The following ELP2 variants were observed in gnomAD, a reference collection of about 807,000 sequenced individuals.
ELP2 encodes the protein elongator complex protein 2.
Under a neutral mutation model 119.2 loss-of-function variants are expected in ELP2, and 90 were observed. The observed-to-expected ratio is 0.75, with a 90% CI of 0.64 to 0.90. The LOEUF (loss-of-function observed/expected upper bound fraction) is 0.90, where lower values mean the gene tolerates loss of function less well. Ranked by LOEUF, ELP2 falls within the 40% of genes least tolerant of loss-of-function variation. ELP2 has a pLI of 0.00. For synonymous variants in ELP2, 339 were observed against 331.0 expected (o/e 1.02, Z -0.26); for missense variants, 921 against 967.8 (o/e 0.95, Z 0.64).
At chr18:36,163,438 C>G (rs1598818243) in intron 17 of ELP2, among the ~76,000 whole-genome samples, 1 of 151,838 alleles carries the variant, frequency 6.6e-6, no homozygotes, top group African/African-American at 2.4e-5. Flanking sequence ...CAGTGTCTTT[C>G]AACTAGCAGA....
In ELP2 at chr18:36,177,787, A is replaced by G; in HGVS notation, c.*3146A>G. 1 of 152,214 alleles carries G rather than the reference A, an allele frequency of 6.6e-6. No homozygotes were observed. The highest frequency in any genetic ancestry group is 1.9e-4 in the East Asian group (1 of 5,204). 9.4% of individuals were successfully genotyped at this position (152,214 alleles called of 1,614,324 possible). ...AACTAAGGTTAGATAGGTGTTCTTTATTGCAGGAATTCTAAGAGCATTTAA... is the reference window on the plus strand; with the variant it reads ...AACTAAGGTTAGATAGGTGTTCTTTGTTGCAGGAATTCTAAGAGCATTTAA... On this transcript the variant is annotated 3_prime_UTR_variant, in exon 22 of 22. Transcript: ENST00000358232.
chr18:36,139,740 A>G, intron 5 of ELP2: 1 of 716,082 alleles, frequency 1.4e-6, no homozygotes, highest in East Asian at 2.8e-5. Context: ...TATCTAGCAG[A>G]GTCATCAGGG....
At chr18:36,141,380 C>G in intron 6 of ELP2, 179 bp downstream of exon 6, 1 of 619,248 alleles carries the variant, frequency 1.6e-6, no homozygotes, top group Non-Finnish European at 2.9e-6. Context: ...ACCAAGTAAC[C>G]GCTGCCTTGA....
intron 19 of ELP2, among the ~76,000 whole-genome samples, chr18:36,168,489 G>A (rs548070601): frequency 1.3e-5 from 2 of 152,304 alleles, no homozygotes; most frequent in Non-Finnish European, 2.9e-5. Flanking sequence ...GGCAGAAGGT[G>A]AAACAAACAC....
chr18:36,177,723 A>C lies in ELP2; in HGVS notation c.*3082A>C, dbSNP rs1441990476. ...GGATGTAAATCGGTACTAAAAAAAA[A>C]GTGCTCCAAAGTAAGATATATTTGG... On this transcript the variant is annotated 3_prime_UTR_variant, in exon 22 of 22. Coordinates refer to ENST00000358232, the MANE Select transcript of ELP2 (RefSeq NM_018255.4). 2 of 152,196 alleles carry C rather than the reference A, an allele frequency of 1.3e-5. No homozygotes were observed. The highest frequency in any genetic ancestry group is 1.5e-5 in the Non-Finnish European group (1 of 68,030). The allele number at this position is 152,196 out of a possible 1,614,324, so 9.4% of individuals were successfully genotyped here. A position where few individuals can be genotyped will look rare whatever the true frequency, so the allele number is the denominator to read the frequency against.
Position 36,133,248 on chromosome 18 carries a change from T to C in ELP2, c.149T>C (p.Val50Ala), listed in dbSNP as rs2089698177. The change falls in exon 2 of 22, where the codon GTT becomes GCT. Residue 50 changes from valine to alanine, a missense_variant. Physicochemically the swap from Val to Ala is moderately conservative, Grantham distance 64. Transcript: ENST00000358232. ...VVLYDPLKRV[V>A]VTNLNGHTAR... ...TTTTCTTCTCTAAAGAAAAGGGTTGTTGTTACCAACTTGAATGGTCACACC... is the reference window on the plus strand; with the variant it reads ...TTTTCTTCTCTAAAGAAAAGGGTTGCTGTTACCAACTTGAATGGTCACACC... 1.2e-6 allele frequency: 2 copies of C among 1,612,860 alleles called. No individual in the cohort carries two copies. The highest frequency in any genetic ancestry group is 1.7e-6 in the Non-Finnish European group (2 of 1,178,818).
At chr18:36,135,684 T>G (rs1199049012) in intron 2 of ELP2, among the ~76,000 whole-genome samples, 2 of 152,234 alleles carry the variant, frequency 1.3e-5, no homozygotes, top group African/African-American at 4.8e-5. Flanking sequence ...TTCTTGGTAG[T>G]AGCACCTGAC....
chr18:36,168,913 CTTTTTTTTTTT>C (rs61459855), intron 19 of ELP2, among the ~76,000 whole-genome samples: 4 of 69,282 alleles, frequency 5.8e-5, no homozygotes, highest in Admixed American at 2.3e-4. Flanking sequence ...CTCTCCATTT[CTTTTTTTTTTT>C]TTTTTTTTTT....
Position 36,159,963 on chromosome 18 carries a change from C to T in ELP2, c.1636C>T (p.Pro546Ser). 2 of 1,614,058 alleles carry T rather than the reference C, an allele frequency of 1.2e-6. No individual in the cohort carries two copies. The highest frequency in any genetic ancestry group is 1.7e-6 in the Non-Finnish European group (2 of 1,179,970). The change falls in exon 16 of 22, where the codon CCC (proline) becomes TCC (serine). Residue 546 changes from proline (P) to serine (S), a missense_variant. Transcript: ENST00000358232. ...ATAGCTTCAATTTATTCTAGAGCCTCCCACTGAGGATCATCTTCTGCAGAA... is the reference window on the plus strand; with the variant it reads ...ATAGCTTCAATTTATTCTAGAGCCTTCCACTGAGGATCATCTTCTGCAGAA... The part of the protein sequence containing the change: ...AFQPSILTEP[P>S]TEDHLLQNTL...
At position 36,172,894 on chromosome 18, in the gene ELP2, A is replaced by G. The variant is rs74898373; in HGVS notation, c.2325-1591A>G. On this transcript the variant is annotated intron_variant, in intron 21 of 21. Transcript: ENST00000358232. ...ATGGAACTAATGCGTGACTTAACAT[A>G]TATTATTTGGATTGCTAATATTTCA... is the stretch of plus-strand genomic sequence containing the variant. Among the ~76,000 whole-genome samples, 918 of 152,290 alleles carry G rather than the reference A, an allele frequency of 6.0e-3. 9 individuals carry two copies. Among genetic ancestry groups the G allele is most frequent in the African/African-American group, 0.021 (865 of 41,566 alleles).
chr18:36,167,798 G>A (rs2090952671), intron 19 of ELP2, among the ~76,000 whole-genome samples: 1 of 151,708 alleles, frequency 6.6e-6, no homozygotes, highest in Non-Finnish European at 1.5e-5. Flanking sequence ...CTCAGCCTTG[G>A]CCTCCCAAGT....
rs748024849 is a variant in ELP2 at position 36,159,959 on chromosome 18, G to A, written c.1632G>A (p.Glu544=). ...QVAFQPSILT[E]PPTEDHLLQN... is the part of the protein sequence containing the mutation. ...AAAAATAGCTTCAATTTATTCTAGA[G>A]CCTCCCACTGAGGATCATCTTCTGC... is the stretch of plus-strand genomic sequence containing the variant. The change falls in exon 16 of 22, where the codon GAG becomes GAA. Residue 544 remains glutamate, a splice_region_variant and synonymous_variant. Coordinates refer to ENST00000358232, the MANE Select transcript of ELP2 (RefSeq NM_018255.4). The A allele has an allele frequency of 2.5e-6, 4 of 1,613,874 alleles. No individual in the cohort carries two copies. The East Asian group carries it at 6.7e-5, about 27-fold the overall frequency.
chr18:36,167,632 T>G (rs773051806), intron 19 of ELP2, among the ~76,000 whole-genome samples: 1 of 152,150 alleles, frequency 6.6e-6, no homozygotes, highest in Non-Finnish European at 1.5e-5. Context: ...CATTTGGTGC[T>G]AGAAGTGGGT....
chr18:36,133,901 T>G (rs1157728555), intron 2 of ELP2, among the ~76,000 whole-genome samples: 6 of 50,218 alleles, frequency 1.2e-4, no homozygotes, highest in Admixed American at 6.3e-4. Flanking sequence ...TTAGGGGTTT[T>G]TTTTTTTTTT....
chr18:36,175,474 G>A lies in ELP2; in HGVS notation c.*833G>A, dbSNP rs2144852845. 1 of 152,300 alleles carries A rather than the reference G, an allele frequency of 6.6e-6. No homozygotes were observed. The highest frequency in any genetic ancestry group is 1.5e-5 in the Non-Finnish European group (1 of 68,030). 9.4% of individuals were successfully genotyped at this position (152,300 alleles called of 1,614,324 possible). Reference sequence around the variant, plus strand: ...CAGTCATTTCTTTTATTCTTTAAAAGTACATAGATTTGTCTTTTTAGGGCT... The same window carrying A: ...CAGTCATTTCTTTTATTCTTTAAAAATACATAGATTTGTCTTTTTAGGGCT... On this transcript the variant is annotated 3_prime_UTR_variant, in exon 22 of 22. Coordinates refer to ENST00000358232, the MANE Select transcript of ELP2 (RefSeq NM_018255.4).
chr18:36,156,533 A>G lies in ELP2; in HGVS notation c.1343A>G (p.Asn448Ser), dbSNP rs867959579. 3 of 1,613,976 alleles carry G rather than the reference A, an allele frequency of 1.9e-6. No homozygotes were observed. The highest frequency in any genetic ancestry group is 3.3e-4 in the Middle Eastern group (2 of 6,084). Residue 448 changes from asparagine (N) to serine (S), a missense_variant, in exon 13 of 22, where the codon AAT (asparagine) becomes AGT (serine). Transcript: ENST00000358232. ...GACCTGAAATGTTTGGCAATGATTAATCGGTTTCAGTTTGTATCTGGAGCA... is the reference window on the plus strand; with the variant it reads ...GACCTGAAATGTTTGGCAATGATTAGTCGGTTTCAGTTTGTATCTGGAGCA... Reference protein sequence around the residue: ...GYDLKCLAMINRFQFVSGADE... With the variant: ...GYDLKCLAMISRFQFVSGADE...
intron 6 of ELP2, 142 bp from the exon 7 acceptor site, chr18:36,142,139 A>G (rs2090052291): frequency 9.6e-6 from 7 of 729,314 alleles, no homozygotes; most frequent in South Asian, 9.0e-5. Context: ...TCATTCCCAA[A>G]GGAATGCTTT....
intron 21 of ELP2, among the ~76,000 whole-genome samples, chr18:36,171,915 TC>T (rs890770606): frequency 1.6e-4 from 24 of 152,296 alleles, no homozygotes; most frequent in African/African-American, 5.8e-4. Context: ...AGACGGGGTT[TC>T]ATTGTGTTGG....
At chr18:36,166,727 T>C (rs1175503995) in intron 18 of ELP2, among the ~76,000 whole-genome samples, 2 of 152,228 alleles carry the variant, frequency 1.3e-5, no homozygotes, top group African/African-American at 2.4e-5. Flanking sequence ...GATTTCTTTT[T>C]TTAAACATTA....
Sources: allele counts gnomAD v4.1 joint callset (sites outside exome capture counted in the v4.1 genomes callset), GRCh38; gene constraint gnomAD v4.1.1; transcripts MANE v1.5; gene names NCBI Gene and HGNC (gene_info 2026-07-23, HGNC 2026-07-21).